FAM81A: variants seen among roughly 807,000 people sequenced by gnomAD.
FAM81A encodes protein FAM81A.
In FAM81A, 19 loss-of-function variants were observed where a neutral mutation model predicts 46.7. The ratio of observed to expected loss-of-function variants is 0.41; its 90% CI spans 0.28 to 0.60. The LOEUF (loss-of-function observed/expected upper bound fraction) is 0.60. Among genes scored for constraint, FAM81A ranks in the 20% least tolerant of loss-of-function variants. The pLI, the probability that FAM81A is intolerant of heterozygous loss-of-function variation, is 0.34. For missense variants in FAM81A, 377 were observed against 453.5 expected (o/e 0.83, Z 1.53); for synonymous variants, 183 against 152.9 (o/e 1.20, Z -1.45).
At chr15:59,415,984 A>T (rs997775142) in intron 2 of FAM81A, among the ~76,000 whole-genome samples, 1 of 152,248 alleles carries the variant, frequency 6.6e-6, no homozygotes, top group Non-Finnish European at 1.5e-5. Flanking sequence ...CAATCCCTGA[A>T]CATACTGTAG....
intron 4 of FAM81A, among the ~76,000 whole-genome samples, chr15:59,501,508 A>T (rs1358430106): frequency 6.6e-6 from 1 of 152,150 alleles, no homozygotes; most frequent in Non-Finnish European, 1.5e-5. Context: ...AAAAATTACA[A>T]TAATATGGAA....
chr15:59,502,773 C>T (rs60028999), intron 4 of FAM81A, among the ~76,000 whole-genome samples: 4,440 of 151,866 alleles, frequency 0.029, 235 homozygotes, highest in African/African-American at 0.1. Context: ...CCGCCCACCT[C>T]GCCTTCCAAA....
At chr15:59,505,364 T>C (rs1371323477) in intron 4 of FAM81A, among the ~76,000 whole-genome samples, 1 of 151,886 alleles carries the variant, frequency 6.6e-6, no homozygotes, top group African/African-American at 2.4e-5. Flanking sequence ...ATACAAAAAT[T>C]AGCCAGGCAT....
intron 3 of FAM81A, among the ~76,000 whole-genome samples, chr15:59,480,804 A>T (rs2081841025): frequency 6.6e-6 from 1 of 152,178 alleles, no homozygotes. Context: ...TATTGTTCCA[A>T]AATGACAAAT....
rs1311840184 is a variant in FAM81A, at chr15:59,426,784, C to T, written c.-78+24426C>T. Among the ~76,000 whole-genome samples, 9 of 152,212 alleles carry T rather than the reference C, an allele frequency of 5.9e-5. No individual in the cohort carries two copies. The East Asian group carries it at 7.7e-4, about 13-fold the overall frequency. On this transcript the variant is annotated intron_variant, in intron 2 of 4. Transcript: ENST00000558348. ...CGCCTCGACATACCTCTGCCACATA[C>T]ACTTCCCCCCTAAGCTTCTCAATAG...
intron 3 of FAM81A, among the ~76,000 whole-genome samples, chr15:59,463,690 C>CAATAAT (rs201652680): frequency 6.6e-6 from 1 of 151,228 alleles, no homozygotes; most frequent in Non-Finnish European, 1.5e-5. Flanking sequence ...CTAAAAATAA[C>CAATAAT]AATAATAATA....
intron 6 of FAM81A, 54 bp downstream of exon 6, chr15:59,509,023 G>A: frequency 2.2e-6 from 3 of 1,334,706 alleles, no homozygotes; most frequent in Non-Finnish European, 3.1e-6. Flanking sequence ...ATGAGTTTAT[G>A]CAATACTATG....
At chr15:59,510,474 A>G (rs1163215986) in intron 6 of FAM81A, among the ~76,000 whole-genome samples, 8 of 152,224 alleles carry the variant, frequency 5.3e-5, no homozygotes, top group African/African-American at 1.2e-4. Context: ...CCAAATAAAT[A>G]TAGAAAGATC....
chr15:59,402,112 G>C, intron 1 of FAM81A: 1 of 364,828 alleles, frequency 2.7e-6, no homozygotes, highest in Non-Finnish European at 4.9e-6. Flanking sequence ...TGACAGGAGA[G>C]TGATTTTATA....
chr15:59,479,526 A>C (rs1435123758), intron 3 of FAM81A, among the ~76,000 whole-genome samples: 7 of 149,824 alleles, frequency 4.7e-5, no homozygotes, highest in African/African-American at 1.7e-4. Flanking sequence ...TAAGAAAAAA[A>C]AAAAAAAAAA....
In FAM81A at chr15:59,423,486, C is replaced by T. The variant is rs78323618; in HGVS notation, c.-78+21128C>T. Among the ~76,000 whole-genome samples, 1,315 of 152,288 alleles carry T rather than the reference C, an allele frequency of 8.6e-3. 23 individuals carry two copies. The highest frequency in any genetic ancestry group is 0.029 in the African/African-American group (1,223 of 41,550). On this transcript the variant is annotated intron_variant, in intron 2 of 4. Transcript: ENST00000558348. ...ACTTTTCCCAAGGTCACAGAGTTAT[C>T]GCTTGGCTGAGCTGAGATTTAATCC...
At chr15:59,456,489 C>G (rs1264824711) in intron 1 of FAM81A, among the ~76,000 whole-genome samples, 1 of 152,134 alleles carries the variant, frequency 6.6e-6, no homozygotes, top group Non-Finnish European at 1.5e-5. Context: ...TCTTCCTGAC[C>G]TAGCTGCTAC....
chr15:59,487,235 T>TTA (rs1182825460), intron 3 of FAM81A, among the ~76,000 whole-genome samples: 7 of 146,014 alleles, frequency 4.8e-5, no homozygotes, highest in East Asian at 1.9e-4. Flanking sequence ...TATATATATA[T>TTA]TATATATATA....
intron 1 of FAM81A, among the ~76,000 whole-genome samples, chr15:59,399,250 C>A (rs1428424442): frequency 1.3e-5 from 2 of 152,152 alleles, no homozygotes; most frequent in Non-Finnish European, 2.9e-5. Context: ...AAAGGCATGT[C>A]TTCTCCCTAT....
At chr15:59,425,441 GC>G (rs1404701448) in intron 2 of FAM81A, among the ~76,000 whole-genome samples, 9 of 152,076 alleles carry the variant, frequency 5.9e-5, no homozygotes, top group African/African-American at 2.2e-4. Context: ...ATGGAAAAAG[GC>G]CCCTGACCTT....
At chr15:59,475,100 A>C (rs1436988820) in intron 3 of FAM81A, among the ~76,000 whole-genome samples, 1 of 152,144 alleles carries the variant, frequency 6.6e-6, no homozygotes, top group Non-Finnish European at 1.5e-5. Flanking sequence ...TGCCTAAGGA[A>C]TCTGAAGTCA....
At chr15:59,440,948 C>G (rs1009726786) in intron 1 of FAM81A, among the ~76,000 whole-genome samples, 2 of 152,176 alleles carry the variant, frequency 1.3e-5, no homozygotes, top group African/African-American at 2.4e-5. Flanking sequence ...TCACAAAGAC[C>G]TTTGGACAGG....
chr15:59,401,902 A>G lies in FAM81A; in HGVS notation c.-160-374A>G, dbSNP rs1254351277. The G allele has an allele frequency of 5.2e-6, 4 of 763,446 alleles. No homozygotes were observed. The East Asian group carries it at 9.8e-5, about 19-fold the overall frequency. 47.3% of individuals were successfully genotyped at this position (763,446 alleles called of 1,614,324 possible). ...ATCATTTTCTTTGCCTTCTTTGAACATTCATGAGCCTCTCGACTTTCTTTC... is the reference window on the plus strand; with the variant it reads ...ATCATTTTCTTTGCCTTCTTTGAACGTTCATGAGCCTCTCGACTTTCTTTC... On this transcript the variant is annotated intron_variant, in intron 1 of 4. Coordinates refer to the FAM81A transcript ENST00000558348.
chr15:59,480,080 GA>G (rs2081830724), intron 3 of FAM81A, among the ~76,000 whole-genome samples: 1 of 152,154 alleles, frequency 6.6e-6, no homozygotes, highest in African/African-American at 2.4e-5. Context: ...ATTCTGGAGT[GA>G]TTTTGGAGAT....
Sources: gnomAD v4.1 joint callset for allele counts (sites outside exome capture counted in the v4.1 genomes callset) on GRCh38, gnomAD v4.1.1 for gene constraint, MANE v1.5 for transcripts, NCBI Gene and HGNC (gene_info 2026-07-23, HGNC 2026-07-21) for gene names.